Variants in CLVS1 observed in about 807,000 individuals in gnomAD.
The protein encoded by CLVS1 is clavesin 1, also known as clavesin-1.
In CLVS1, 10 loss-of-function variants were observed where a neutral mutation model predicts 33.1. The observed-to-expected ratio is 0.30, with a 90% CI of 0.19 to 0.51. The LOEUF (loss-of-function observed/expected upper bound fraction) is 0.51. Among genes scored for constraint, CLVS1 ranks in the 20% least tolerant of loss-of-function variants. The pLI is 0.97. For synonymous variants in CLVS1, 163 were observed against 166.1 expected, an observed-to-expected ratio of 0.98 and a Z score of 0.14; for missense variants, 343 against 433.4, an observed-to-expected ratio of 0.79 and a Z score of 1.85.
intron 3 of CLVS1, among the ~76,000 whole-genome samples, chr8:61,421,782 G>T (rs150707046): frequency 6.6e-6 from 1 of 152,170 alleles, no homozygotes. Context: ...TTTCATGTTG[G>T]AAGCCAATGC....
At chr8:61,074,097 G>A (rs1585589644) in intron 1 of CLVS1, among the ~76,000 whole-genome samples, 2 of 151,356 alleles carry the variant, frequency 1.3e-5, no homozygotes, top group East Asian at 3.9e-4. Flanking sequence ...GAGCACTTTG[G>A]GAGGCCAAGG....
chr8:61,326,029 C>T (rs758038658), intron 2 of CLVS1, among the ~76,000 whole-genome samples: 2 of 152,160 alleles, frequency 1.3e-5, no homozygotes, highest in Non-Finnish European at 2.9e-5. Flanking sequence ...CTTCATGACA[C>T]GAGTTGCCTT....
At chr8:61,317,495 T>G (rs1445915000) in intron 2 of CLVS1, among the ~76,000 whole-genome samples, 1 of 152,110 alleles carries the variant, frequency 6.6e-6, no homozygotes, top group Admixed American at 6.6e-5. Context: ...TTCCAAGAAG[T>G]GGAATTAATG....
chr8:61,245,041 C>T (rs1045823095), intron 2 of CLVS1, among the ~76,000 whole-genome samples: 1 of 152,104 alleles, frequency 6.6e-6, no homozygotes, highest in Non-Finnish European at 1.5e-5. Context: ...AGCCTTTTCT[C>T]ATATGAAATG....
intron 3 of CLVS1, among the ~76,000 whole-genome samples, chr8:61,418,263 G>A (rs902368364): frequency 3.9e-5 from 6 of 152,164 alleles, no homozygotes; most frequent in Non-Finnish European, 8.8e-5. Flanking sequence ...TTGCTGAGGA[G>A]GCTGAGGCAG....
chr8:61,133,275 G>A (rs1023387429), intron 2 of CLVS1, among the ~76,000 whole-genome samples: 24 of 152,082 alleles, frequency 1.6e-4, no homozygotes, highest in Non-Finnish European at 5.9e-5. Context: ...CGAGGGGGTC[G>A]TCAATTCTGC....
chr8:61,304,324 G>A (rs1452648902), intron 2 of CLVS1, among the ~76,000 whole-genome samples: 3 of 152,250 alleles, frequency 2.0e-5, no homozygotes, highest in Admixed American at 6.5e-5. Context: ...GCCTGCTTGG[G>A]TTCAACATGG....
At chr8:61,438,590 T>G (rs561747967) in intron 3 of CLVS1, among the ~76,000 whole-genome samples, 16 of 152,328 alleles carry the variant, frequency 1.1e-4, no homozygotes, top group Admixed American at 3.9e-4. Context: ...TCTAAATCTT[T>G]GAGAAATCGC....
chr8:60,993,450 C>G, the CLVS1 span, among the ~76,000 whole-genome samples: 1 of 152,356 alleles, frequency 6.6e-6, no homozygotes, highest in East Asian at 1.9e-4. Context: ...GCTTCTCTTG[C>G]TGGCTGGTGT....
chr8:61,127,708 T>C (rs893499767), intron 1 of CLVS1, among the ~76,000 whole-genome samples: 24 of 152,340 alleles, frequency 1.6e-4, no homozygotes, highest in African/African-American at 5.1e-4. Context: ...TCTTTGAATA[T>C]ATATATTTTT....
intron 2 of CLVS1, among the ~76,000 whole-genome samples, chr8:61,172,168 A>G (rs891833890): frequency 2.0e-5 from 3 of 152,140 alleles, no homozygotes; most frequent in African/African-American, 7.2e-5. Flanking sequence ...TAACCACTGC[A>G]TCTTTTGTCT....
At chr8:61,311,538 G>T (rs551243471) in intron 2 of CLVS1, among the ~76,000 whole-genome samples, 3 of 152,136 alleles carry the variant, frequency 2.0e-5, no homozygotes, top group African/African-American at 7.2e-5. Flanking sequence ...ACATCCCTGC[G>T]TGCCCGGGTG....
chr8:61,068,229 G>GATATATATATATATATATA (rs1804721619), intron 1 of CLVS1, among the ~76,000 whole-genome samples: 1 of 101,004 alleles, frequency 9.9e-6, no homozygotes, highest in African/African-American at 3.6e-5. Context: ...GTATGTATGT[G>GATATATATATATATATATA]TATATATATA....
intron 2 of CLVS1, among the ~76,000 whole-genome samples, chr8:61,167,374 G>T (rs372609307): frequency 6.6e-6 from 1 of 151,880 alleles, no homozygotes; most frequent in African/African-American, 2.4e-5. Context: ...TAGAGACGGG[G>T]TTTCTCCATG....
rs115611616 is a variant in CLVS1, at chr8:61,211,845, G to T, written c.-152+79985G>T. 5.2e-3 allele frequency among the ~76,000 whole-genome samples: 788 copies of T among 152,298 alleles called. 5 individuals are homozygous for T. The highest frequency in any genetic ancestry group is 0.027 in the Middle Eastern group (8 of 294). On this transcript the variant is annotated intron_variant, in intron 2 of 2. Transcript: ENST00000522621. ...GGGAAGCAGAAAGGTCAAAGTCAGA[G>T]AAAAGAGCTTTGAAGCAGAGGGAGG...
At position 61,481,212 on chromosome 8, in the gene CLVS1, C is replaced by A. The variant is rs534856010; in HGVS notation, c.978-18243C>A. Reference sequence around the variant, plus strand: ...TCCATCTCCCTGAGCCCTAGCTCTGCAATTTGGTGTATAAAAAATAAAATA... The same window carrying A: ...TCCATCTCCCTGAGCCCTAGCTCTGAAATTTGGTGTATAAAAAATAAAATA... On this transcript the variant is annotated intron_variant, in intron 5 of 5. Coordinates refer to ENST00000325897, the MANE Select transcript of CLVS1 (RefSeq NM_173519.3). 4.6e-5 allele frequency among the ~76,000 whole-genome samples: 7 copies of A among 152,238 alleles called. No individual in the cohort carries two copies. The East Asian group carries it at 1.4e-3, about 29-fold the overall frequency.
intron 3 of CLVS1, among the ~76,000 whole-genome samples, chr8:61,408,202 T>C (rs1815067015): frequency 6.6e-6 from 1 of 151,858 alleles, no homozygotes; most frequent in Non-Finnish European, 1.5e-5. Context: ...ATTTCAGAGA[T>C]TAGTGATAGC....
chr8:61,410,471 C>G (rs1238085055), intron 3 of CLVS1, among the ~76,000 whole-genome samples: 4 of 152,130 alleles, frequency 2.6e-5, no homozygotes, highest in African/African-American at 9.7e-5. Context: ...ACAAATCCAT[C>G]TGCTGTGAAT....
the CLVS1 span, among the ~76,000 whole-genome samples, chr8:60,994,368 G>A: frequency 6.6e-6 from 1 of 152,156 alleles, no homozygotes; most frequent in Middle Eastern, 3.4e-3. Flanking sequence ...AAATTTGAGG[G>A]GGACATAACA....
Sources: gnomAD v4.1 joint callset for allele counts (sites outside exome capture counted in the v4.1 genomes callset) on GRCh38, gnomAD v4.1.1 for gene constraint, MANE v1.5 for transcripts, NCBI Gene and HGNC (gene_info 2026-07-23, HGNC 2026-07-21) for gene names.